Variants in FNDC7 observed in about 807,000 individuals in gnomAD.
FNDC7 encodes the protein fibronectin type III domain containing 7, also known as fibronectin type III domain-containing protein 7.
A neutral mutation model predicts 74.2 loss-of-function variants in FNDC7; 66 were observed. That is an observed-to-expected ratio of 0.89 (90% confidence interval 0.73 to 1.09). The LOEUF is 1.09. Among genes scored for constraint, FNDC7 ranks in the 50% least tolerant of loss-of-function variants. The pLI, the probability that FNDC7 is intolerant of heterozygous loss-of-function variation, is 0.00. For missense variants in FNDC7, 829 were observed against 893.4 expected (o/e 0.93, Z 0.92); for synonymous variants, 307 against 330.2 (o/e 0.93, Z 0.76).
intron 6 of FNDC7, 95 bp from the exon 7 acceptor site, chr1:108,727,713 G>A: frequency 6.8e-7 from 1 of 1,469,616 alleles, no homozygotes; most frequent in Non-Finnish European, 9.3e-7. Context: ...GAGGGCAGTG[G>A]CAGAGGCTCT....
intron 11 of FNDC7, among the ~76,000 whole-genome samples, chr1:108,739,527 A>G (rs1661588893): frequency 6.6e-6 from 1 of 152,190 alleles, no homozygotes; most frequent in African/African-American, 2.4e-5. Flanking sequence ...GCTTTTTAGA[A>G]ATGTACAGTC....
chr1:108,724,941 C>T (rs559947258), intron 5 of FNDC7, among the ~76,000 whole-genome samples: 315 of 151,634 alleles, frequency 2.1e-3, no homozygotes, highest in African/African-American at 7.5e-3. Context: ...ATTAGTTGGG[C>T]ATGGTGGTGC....
chr1:108,738,673 T>G (rs1449139805), intron 11 of FNDC7, among the ~76,000 whole-genome samples: 1 of 151,906 alleles, frequency 6.6e-6, no homozygotes, highest in African/African-American at 2.4e-5. Context: ...CCCCTTCCAC[T>G]GGCAGGAACT....
At chr1:108,722,625 TTGCAG>T in intron 5 of FNDC7, 33 bp downstream of exon 5, 1 of 1,587,628 alleles carries the variant, frequency 6.3e-7, no homozygotes, top group East Asian at 2.2e-5. Flanking sequence ...GCTGTCGGGC[TTGCAG>T]CCCTGACTGC....
At position 108,741,766 on chromosome 1, in the gene FNDC7, T is replaced by C; in HGVS notation, c.2171-7T>C. The stretch of plus-strand genomic sequence containing the variant: ...CTTTTACTGCTTCCCTTCCTTACCC[T>C]TTTCAGTGATTTATAGAGGGAAGAG... On this transcript the variant is annotated splice_polypyrimidine_tract_variant and splice_region_variant and intron_variant, in intron 11 of 12. Transcript: ENST00000370017. The C allele has an allele frequency of 1.9e-6, 3 of 1,613,212 alleles. No individual in the cohort carries two copies. Among genetic ancestry groups the C allele is most frequent in the Non-Finnish European group, 2.5e-6 (3 of 1,179,590 alleles).
At chr1:108,713,066 T>C (rs1010560912) in intron 1 of FNDC7, 70 bp downstream of exon 1, 1 of 1,059,400 alleles carries the variant, frequency 9.4e-7, no homozygotes, top group South Asian at 1.8e-5. Flanking sequence ...TTTTCTCTCC[T>C]TTTTTTTTTG....
chr1:108,737,749 T>G (rs1192903512), intron 11 of FNDC7, among the ~76,000 whole-genome samples: 1 of 152,196 alleles, frequency 6.6e-6, no homozygotes, highest in Non-Finnish European at 1.5e-5. Flanking sequence ...TTTTTAGTAT[T>G]CTAGGATCCT....
chr1:108,739,731 T>G (rs1311498432), intron 11 of FNDC7, among the ~76,000 whole-genome samples: 2 of 152,214 alleles, frequency 1.3e-5, no homozygotes, highest in Non-Finnish European at 2.9e-5. Context: ...CAGGTGATTT[T>G]GATACACATG....
chr1:108,721,605 C>T (rs1457431478), intron 4 of FNDC7, among the ~76,000 whole-genome samples: 2 of 152,182 alleles, frequency 1.3e-5, no homozygotes, highest in South Asian at 2.1e-4. Flanking sequence ...TTCCAAAGAA[C>T]GGAGGCCAAT....
Position 108,730,729 on chromosome 1 carries a change from C to T in FNDC7, c.1680C>T (p.Asn560=), listed in dbSNP as rs76462144. 2.2e-5 allele frequency: 35 copies of T among 1,610,408 alleles called. No homozygotes were observed. The highest frequency in any genetic ancestry group is 3.3e-4 in the Middle Eastern group (2 of 6,072). Residue 560 remains asparagine, a synonymous_variant, in exon 9 of 13, where the codon AAC becomes AAT. Transcript: ENST00000370017. ...CTCAAATCACCCAGTCAGTAATCAA[C>T]GTGAGCTGGACTATTGGGAGAGTGG... ...TVTQITQSVI[N]VSWTIGRVAQ...
intron 7 of FNDC7, 26 bp downstream of exon 7, chr1:108,728,091 A>G: frequency 6.2e-7 from 1 of 1,602,244 alleles, no homozygotes; most frequent in Non-Finnish European, 8.5e-7. Context: ...CATTCCACTC[A>G]CTGGTGTCTG....
At chr1:108,729,013 A>T in intron 8 of FNDC7, 127 bp downstream of exon 8, 1 of 1,210,514 alleles carries the variant, frequency 8.3e-7, no homozygotes, top group Non-Finnish European at 1.1e-6. Flanking sequence ...GAGACGTTTC[A>T]AAGAGTCCCG....
At chr1:108,720,381 G>T (rs1395653767) in intron 4 of FNDC7, among the ~76,000 whole-genome samples, 1 of 152,212 alleles carries the variant, frequency 6.6e-6, no homozygotes, top group African/African-American at 2.4e-5. Flanking sequence ...TTGGCAGAAG[G>T]CTGCCGACAC....
intron 1 of FNDC7, chr1:108,713,305 C>A: frequency 1.6e-6 from 1 of 610,276 alleles, no homozygotes; most frequent in Non-Finnish European, 2.9e-6. Context: ...TGCCTCCAGC[C>A]TCTAAATTCT....
intron 9 of FNDC7, 145 bp downstream of exon 9, chr1:108,731,073 T>A: frequency 9.7e-6 from 10 of 1,025,710 alleles, no homozygotes; most frequent in Non-Finnish European, 1.4e-5. Context: ...ATGGTTATAG[T>A]TTCCCTTTGA....
chr1:108,714,807 G>A (rs903920530), intron 2 of FNDC7, among the ~76,000 whole-genome samples: 3 of 151,712 alleles, frequency 2.0e-5, no homozygotes, highest in East Asian at 3.9e-4. Context: ...GGGTTTCACC[G>A]TGGTCTCGAT....
At position 108,733,325 on chromosome 1, in the gene FNDC7, C is replaced by T. The variant is rs748804783; in HGVS notation, c.1933C>T (p.Arg645Trp). Reference protein sequence around the residue: ...KLYRLGPNGIRIYWQASRGSA... With the variant: ...KLYRLGPNGIWIYWQASRGSA... Reference sequence around the variant, plus strand: ...ATATAGGCTGGGCCCTAATGGCATCCGGATCTACTGGCAAGCCTCCAGGGG... The same window carrying T: ...ATATAGGCTGGGCCCTAATGGCATCTGGATCTACTGGCAAGCCTCCAGGGG... Residue 645 changes from arginine to tryptophan, a missense_variant, in exon 10 of 13, where the codon CGG becomes TGG. Transcript: ENST00000370017. 17 of 1,614,120 alleles carry T rather than the reference C, an allele frequency of 1.1e-5. No individual in the cohort carries two copies. The highest frequency in any genetic ancestry group is 3.3e-5 in the Admixed American group (2 of 60,006).
chr1:108,736,664 G>T (rs549984092), intron 10 of FNDC7, among the ~76,000 whole-genome samples: 1 of 152,286 alleles, frequency 6.6e-6, no homozygotes, highest in Non-Finnish European at 1.5e-5. Flanking sequence ...TAGAACTCAA[G>T]TTCTTTGATG....
rs1489345713 is a variant in FNDC7, at chr1:108,742,488, A to G, written c.*601A>G. 2 of 152,298 alleles carry G rather than the reference A, an allele frequency of 1.3e-5. No individual in the cohort carries two copies. The highest frequency in any genetic ancestry group is 2.9e-5 in the Non-Finnish European group (2 of 68,092). The allele number at this position is 152,298 out of a possible 1,614,324, so 9.4% of individuals were successfully genotyped here. ...CTTGCAGGGTTCGCTGAGCCAAAGC[A>G]TCAGGTGGCGTGACATCTATGGGAG... is the stretch of plus-strand genomic sequence containing the variant. On this transcript the variant is annotated 3_prime_UTR_variant, in exon 13 of 13. Transcript: ENST00000370017.
Sources: allele counts gnomAD v4.1 joint callset (sites outside exome capture counted in the v4.1 genomes callset), GRCh38; gene constraint gnomAD v4.1.1; transcripts MANE v1.5; gene names NCBI Gene and HGNC (gene_info 2026-07-23, HGNC 2026-07-21).